Variants in TRHDE observed in about 807,000 individuals in gnomAD.
TRHDE encodes the protein thyrotropin-releasing hormone-degrading ectoenzyme.
In TRHDE, 72 loss-of-function variants were observed where a neutral mutation model predicts 125.7. The ratio of observed to expected loss-of-function variants is 0.57; its 90% CI spans 0.47 to 0.70. The LOEUF is 0.70. Ranked by LOEUF, TRHDE falls within the 30% of genes least tolerant of loss-of-function variation. The pLI is 0.00. For missense variants in TRHDE, 1,110 were observed against 1,327.1 expected, an observed-to-expected ratio of 0.84 and a Z score of 2.54; for synonymous variants, 509 against 509.1, an observed-to-expected ratio of 1.00 and a Z score of 0.00.
chr12:72,286,572 A>C, intron 1 of TRHDE, 109 bp from the exon 2 acceptor site: 1 of 1,098,478 alleles, frequency 9.1e-7, no homozygotes, highest in East Asian at 2.5e-5. Flanking sequence ...TCAGAAAAAA[A>C]TATTGCAATT....
chr12:72,290,437 A>G (rs908295958), intron 2 of TRHDE, among the ~76,000 whole-genome samples: 3 of 152,026 alleles, frequency 2.0e-5, no homozygotes, highest in Non-Finnish European at 4.4e-5. Context: ...TTCCTTTACA[A>G]TATTGTTCTG....
intron 3 of TRHDE, among the ~76,000 whole-genome samples, chr12:72,391,570 G>C (rs955301390): frequency 6.6e-6 from 1 of 152,138 alleles, no homozygotes; most frequent in African/African-American, 2.4e-5. Context: ...GTCTTCAGCA[G>C]CATAGAATAG....
In TRHDE at chr12:72,668,687, T is replaced by C. The variant is rs1341330655; in HGVS notation, c.*5492T>C. On this transcript the variant is annotated 3_prime_UTR_variant, in exon 19 of 19. Coordinates refer to ENST00000261180, the MANE Select transcript of TRHDE (RefSeq NM_013381.3). ...TAGGTGTCTTCTAATATATGTCTAT[T>C]GGTATCACATCAATTAATAACCCTG... is the stretch of plus-strand genomic sequence containing the variant. The C allele has an allele frequency of 6.6e-6, 1 of 151,864 alleles. No individual in the cohort carries two copies. Among genetic ancestry groups the C allele is most frequent in the Non-Finnish European group, 1.5e-5 (1 of 67,838 alleles). 9.4% of individuals were successfully genotyped at this position (151,864 alleles called of 1,614,324 possible).
intron 2 of TRHDE, among the ~76,000 whole-genome samples, chr12:72,352,995 C>CT (rs900755119): frequency 2.0e-5 from 3 of 149,644 alleles, no homozygotes; most frequent in African/African-American, 4.9e-5. Context: ...GTTTCTGCTT[C>CT]TTTTTTAAAA....
intron 7 of TRHDE, among the ~76,000 whole-genome samples, chr12:72,561,529 A>G (rs190662578): frequency 5.9e-5 from 9 of 152,338 alleles, no homozygotes; most frequent in African/African-American, 2.2e-4. Context: ...TATAGGTTTT[A>G]CCACTAATAA....
At chr12:72,589,091 A>G (rs1441365381) in intron 12 of TRHDE, among the ~76,000 whole-genome samples, 1 of 152,188 alleles carries the variant, frequency 6.6e-6, no homozygotes, top group Non-Finnish European at 1.5e-5. Flanking sequence ...GGGTGGGGAC[A>G]CAGCAAAACG....
intron 15 of TRHDE, among the ~76,000 whole-genome samples, chr12:72,647,885 A>T (rs1030192887): frequency 2.0e-4 from 30 of 152,110 alleles, no homozygotes; most frequent in Non-Finnish European, 3.8e-4. Flanking sequence ...TTTCAAAAAA[A>T]TTGATGAGGA....
intron 2 of TRHDE, among the ~76,000 whole-genome samples, chr12:72,223,988 G>A (rs1878052029): frequency 6.6e-6 from 1 of 151,864 alleles, no homozygotes; most frequent in Non-Finnish European, 1.5e-5. Flanking sequence ...AAGGACGGGT[G>A]AAGGAGAAAT....
intron 3 of TRHDE, among the ~76,000 whole-genome samples, chr12:72,397,400 T>C (rs1261784321): frequency 6.6e-6 from 1 of 152,256 alleles, no homozygotes; most frequent in Admixed American, 6.5e-5. Flanking sequence ...TTGTCCATTC[T>C]ATTGTCAAAC....
rs536177363 is a variant in TRHDE, at chr12:72,587,304, T to A, written c.2321+11762T>A. Among the ~76,000 whole-genome samples the A allele has an allele frequency of 2.2e-3, 335 of 152,276 alleles. 2 individuals are homozygous for A. The highest frequency in any genetic ancestry group is 7.6e-3 in the African/African-American group (314 of 41,570). On this transcript the variant is annotated intron_variant, in intron 12 of 18. Transcript: ENST00000261180. The stretch of plus-strand genomic sequence containing the variant: ...TCTGTTGAATTTTAACATTGGTAGA[T>A]TATCAGTTTTTTTAAGTATGGAGAG...
intron 2 of TRHDE, among the ~76,000 whole-genome samples, chr12:72,315,912 A>AT (rs111599427): frequency 0.013 from 1,996 of 152,232 alleles, 42 homozygotes; most frequent in Admixed American, 0.04. Context: ...ATGCTCAATG[A>AT]TTTTTTCCCC....
chr12:72,395,959 T>C (rs977643326), intron 3 of TRHDE, among the ~76,000 whole-genome samples: 5 of 152,024 alleles, frequency 3.3e-5, no homozygotes, highest in Admixed American at 2.0e-4. Flanking sequence ...CAAAAGTAAA[T>C]TCCTTCTCTT....
At chr12:72,138,819 A>C (rs1462924673) in intron 2 of TRHDE, among the ~76,000 whole-genome samples, 1 of 152,228 alleles carries the variant, frequency 6.6e-6, no homozygotes, top group Non-Finnish European at 1.5e-5. Flanking sequence ...GCTGTGAACT[A>C]TCCAGACTTC....
intron 6 of TRHDE, among the ~76,000 whole-genome samples, chr12:72,504,342 C>T (rs1488235579): frequency 6.1e-5 from 9 of 148,608 alleles, no homozygotes; most frequent in African/African-American, 1.7e-4. Context: ...CTCGCTCTGT[C>T]GCTCAGGCTG....
intron 3 of TRHDE, among the ~76,000 whole-genome samples, chr12:72,384,205 A>G (rs1031310846): frequency 4.6e-5 from 7 of 151,678 alleles, no homozygotes; most frequent in African/African-American, 1.7e-4. Context: ...TTTTACTACT[A>G]CTCTGTAATT....
intron 6 of TRHDE, among the ~76,000 whole-genome samples, chr12:72,542,001 C>T (rs756160161): frequency 3.2e-4 from 48 of 151,230 alleles, no homozygotes; most frequent in Non-Finnish European, 5.9e-4. Flanking sequence ...ATATAGTGTT[C>T]AATAAAATAT....
At chr12:72,329,346 C>T (rs1229649611) in intron 2 of TRHDE, among the ~76,000 whole-genome samples, 10 of 152,130 alleles carry the variant, frequency 6.6e-5, no homozygotes, top group African/African-American at 2.4e-4. Flanking sequence ...AATTTTAAAA[C>T]ATTAGGCTAC....
chr12:72,166,952 G>C (rs377560565), intron 2 of TRHDE, among the ~76,000 whole-genome samples: 2 of 139,694 alleles, frequency 1.4e-5, no homozygotes, highest in African/African-American at 2.6e-5. Context: ...GTGTGTGTGT[G>C]TCTCAATCAT....
At chr12:72,444,098 G>A (rs1250659747) in intron 3 of TRHDE, among the ~76,000 whole-genome samples, 2 of 151,936 alleles carry the variant, frequency 1.3e-5, no homozygotes, top group East Asian at 3.9e-4. Context: ...CCTTGGCCTT[G>A]GGCCACATTG....
Sources: gnomAD v4.1 joint callset for allele counts (sites outside exome capture counted in the v4.1 genomes callset) on GRCh38, gnomAD v4.1.1 for gene constraint, MANE v1.5 for transcripts, NCBI Gene and HGNC (gene_info 2026-07-23, HGNC 2026-07-21) for gene names.